The following PRDM2 variants were observed in gnomAD, a reference collection of about 807,000 sequenced individuals.
PRDM2 encodes PR/SET domain 2.
PRDM2 carries 30 observed loss-of-function variants against 130.0 expected under a neutral mutation model. The observed-to-expected ratio is 0.23, with a 90% CI of 0.17 to 0.31. The LOEUF is 0.31. Among genes scored for constraint, PRDM2 ranks in the 10% least tolerant of loss-of-function variants. PRDM2 has a pLI of 1.00. For synonymous variants in PRDM2, 871 were observed against 782.4 expected, an observed-to-expected ratio of 1.11 and a Z score of -1.89; for missense variants, 2,011 against 2,108.4, an observed-to-expected ratio of 0.95 and a Z score of 0.90.
At chr1:13,721,655 G>T (rs1257254337) in intron 2 of PRDM2, among the ~76,000 whole-genome samples, 1 of 152,002 alleles carries the variant, frequency 6.6e-6, no homozygotes, top group African/African-American at 2.4e-5. Flanking sequence ...AATATTATTT[G>T]TGAAATTCAA....
intron 2 of PRDM2, among the ~76,000 whole-genome samples, chr1:13,729,312 T>C (rs1182447003): frequency 6.6e-6 from 1 of 152,136 alleles, no homozygotes; most frequent in Admixed American, 6.5e-5. Context: ...CTGGGGAGGA[T>C]AAATGGTGCT....
chr1:13,732,453 C>T (rs1433136995), intron 3 of PRDM2, among the ~76,000 whole-genome samples: 2 of 152,112 alleles, frequency 1.3e-5, no homozygotes, highest in Admixed American at 6.5e-5. Context: ...TTTTTCTCTT[C>T]AGTTGTTGTG....
chr1:13,807,430 A>G (rs148531410), intron 8 of PRDM2, among the ~76,000 whole-genome samples: 1 of 152,356 alleles, frequency 6.6e-6, no homozygotes, highest in East Asian at 1.9e-4. Flanking sequence ...CAGACAGTAA[A>G]CAATAACCAG....
chr1:13,779,434 G>C lies in PRDM2; in HGVS notation c.1639G>C (p.Glu547Gln). 6.2e-7 allele frequency: 1 copy of C among 1,614,196 alleles called. No homozygotes were observed. The highest frequency in any genetic ancestry group is 8.5e-7 in the Non-Finnish European group (1 of 1,180,040). The change falls in exon 8 of 10, where the codon GAA becomes CAA. Residue 547 changes from glutamate (E) to glutamine (Q), a missense_variant. This residue lies in a region of PRDM2 where 1,288 missense variants were observed against 1,237.7 expected (regional missense o/e 1.04). Transcript: ENST00000311066. This position sits in a 1 kb window ranked among gnomAD's most constrained non-coding sequence, Gnocchi z 4.9. ...VYVPSTEPEE[E>Q]GEADDVYIMD... ...TGTACCAAGCACAGAGCCGGAGGAG[G>C]AAGGGGAAGCAGATGATGTGTACAT... is the stretch of plus-strand genomic sequence containing the variant.
At chr1:13,738,507 A>C (rs1643339335) in intron 4 of PRDM2, among the ~76,000 whole-genome samples, 1 of 152,178 alleles carries the variant, frequency 6.6e-6, no homozygotes, top group African/African-American at 2.4e-5. Flanking sequence ...TTGTAGTATA[A>C]AATCTAGTTA....
chr1:13,765,088 A>G (rs991366488), intron 6 of PRDM2, among the ~76,000 whole-genome samples: 1 of 152,210 alleles, frequency 6.6e-6, no homozygotes, highest in Non-Finnish European at 1.5e-5. Context: ...CGCCTTGACC[A>G]GTTGTAACAG....
intron 1 of PRDM2, among the ~76,000 whole-genome samples, chr1:13,708,780 C>T (rs1039716478): frequency 4.6e-5 from 7 of 152,102 alleles, no homozygotes; most frequent in Non-Finnish European, 7.4e-5. Context: ...AGAAATCCTT[C>T]GGTGGGTGAG....
intron 8 of PRDM2, among the ~76,000 whole-genome samples, chr1:13,789,225 T>C (rs973616609): frequency 2.0e-5 from 3 of 152,238 alleles, no homozygotes; most frequent in Admixed American, 6.5e-5. Context: ...AATCAAAAGC[T>C]AATTAGAGCC....
intron 8 of PRDM2, among the ~76,000 whole-genome samples, chr1:13,805,005 A>T (rs368952021): frequency 3.3e-5 from 5 of 152,266 alleles, no homozygotes; most frequent in East Asian, 3.9e-4. Flanking sequence ...CTGGATTCAA[A>T]TCTTGGCTGC....
Position 13,715,597 on chromosome 1 carries a change from G to C in PRDM2, c.-9G>C. On this transcript the variant is annotated 5_prime_UTR_variant, in exon 2 of 10. Coordinates refer to ENST00000311066, the MANE Select transcript of PRDM2 (RefSeq NM_001393986.1). ...TGTGTATCTTTACAGAACACAACAG[G>C]AATTGAAAATGAATCAGGTGAGTTT... 1 of 1,590,986 alleles carries C rather than the reference G, an allele frequency of 6.3e-7. No individual in the cohort carries two copies. The highest frequency in any genetic ancestry group is 8.5e-7 in the Non-Finnish European group (1 of 1,169,688).
chr1:13,778,353 T>C, intron 7 of PRDM2, 65 bp from the exon 8 acceptor site: 10 of 1,452,626 alleles, frequency 6.9e-6, no homozygotes, highest in Non-Finnish European at 9.3e-6. Flanking sequence ...ATCATTCAGA[T>C]TGTTCACCAA....
chr1:13,794,801 G>C (rs1644896697), intron 8 of PRDM2, among the ~76,000 whole-genome samples: 1 of 152,226 alleles, frequency 6.6e-6, no homozygotes, highest in Non-Finnish European at 1.5e-5. Context: ...TTTCATGACA[G>C]CGTGAGTTGT....
At chr1:13,775,319 C>T (rs1335045304) in intron 7 of PRDM2, among the ~76,000 whole-genome samples, 5 of 152,208 alleles carry the variant, frequency 3.3e-5, no homozygotes, top group Non-Finnish European at 7.3e-5. Context: ...CAGATTTTGA[C>T]TGAAAATAAA....
At chr1:13,733,938 G>A (rs1283069459) in intron 4 of PRDM2, among the ~76,000 whole-genome samples, 1 of 152,200 alleles carries the variant, frequency 6.6e-6, no homozygotes, top group Non-Finnish European at 1.5e-5. Flanking sequence ...TGGCTAGGAA[G>A]TGTGTGGACA....
chr1:13,791,935 G>A (rs572794099), intron 8 of PRDM2, among the ~76,000 whole-genome samples: 4 of 152,156 alleles, frequency 2.6e-5, no homozygotes, highest in Admixed American at 6.5e-5. Flanking sequence ...AACATTTTAC[G>A]GAAGACTGGT....
chr1:13,725,995 G>A (rs976079782), intron 2 of PRDM2, among the ~76,000 whole-genome samples: 5 of 152,232 alleles, frequency 3.3e-5, no homozygotes, highest in South Asian at 2.1e-4. Flanking sequence ...ACCCTGAAGC[G>A]AGATTGTCTG....
intron 3 of PRDM2, 44 bp downstream of exon 3, chr1:13,731,161 C>CAGGT: frequency 6.6e-7 from 1 of 1,524,092 alleles, no homozygotes; most frequent in Non-Finnish European, 9.0e-7. Context: ...CAGTAAAGAG[C>CAGGT]AGGTGGCAGT....
rs1645045473 is a variant in PRDM2, at chr1:13,803,768, A to G, written c.5037-12659A>G. 6.6e-6 allele frequency among the ~76,000 whole-genome samples: 1 copy of G among 152,108 alleles called. No individual in the cohort carries two copies. The highest frequency in any genetic ancestry group is 6.5e-5 in the Admixed American group (1 of 15,284). ...CCAGGCCGGGCCAGCCTCCCTATCA[A>G]CTGGGTCATGTGTTACGAGCTTCTC... On this transcript the variant is annotated intron_variant, in intron 8 of 9. Transcript: ENST00000311066. This position sits in a 1 kb window ranked among gnomAD's most constrained non-coding sequence, Gnocchi z 6.2.
At chr1:13,776,242 C>G (rs1165355865) in intron 7 of PRDM2, among the ~76,000 whole-genome samples, 2 of 152,056 alleles carry the variant, frequency 1.3e-5, no homozygotes, top group Non-Finnish European at 2.9e-5. Flanking sequence ...CTAGTACTGG[C>G]AGATAGTGGG....
Sources: allele counts gnomAD v4.1 joint callset (sites outside exome capture counted in the v4.1 genomes callset), GRCh38; gene constraint gnomAD v4.1.1; regional missense constraint gnomAD v4.1.1; non-coding constraint Gnocchi (gnomAD v3.1); transcripts MANE v1.5; gene names NCBI Gene and HGNC (gene_info 2026-07-23, HGNC 2026-07-21).